Variants in APBA1 observed in about 807,000 individuals in gnomAD.
APBA1 encodes amyloid beta precursor protein binding family A member 1.
In APBA1, 55 loss-of-function variants were observed where a neutral mutation model predicts 86.6. That is an observed-to-expected ratio of 0.64 (90% CI 0.51 to 0.80). The LOEUF is 0.80. APBA1 is among the 30% of genes least tolerant of loss of function. The pLI, the probability that APBA1 is intolerant of heterozygous loss-of-function variation, is 0.00. For missense variants in APBA1, 1,090 were observed against 1,183.0 expected, an observed-to-expected ratio of 0.92 and a Z score of 1.15; for synonymous variants, 511 against 493.9, an observed-to-expected ratio of 1.03 and a Z score of -0.46.
At chr9:69,490,209 T>C (rs1288307401) in intron 2 of APBA1, among the ~76,000 whole-genome samples, 4 of 151,624 alleles carry the variant, frequency 2.6e-5, no homozygotes, top group Non-Finnish European at 5.9e-5. Context: ...TCATTCTCAG[T>C]AAACTATCGC....
chr9:69,567,212 C>T (rs576274764), intron 1 of APBA1, among the ~76,000 whole-genome samples: 3 of 151,994 alleles, frequency 2.0e-5, no homozygotes, highest in Non-Finnish European at 2.9e-5. Flanking sequence ...AATGCTAGAG[C>T]GAGCTCCTGA....
At chr9:69,441,728 A>C (rs1053659097) in intron 10 of APBA1, among the ~76,000 whole-genome samples, 1 of 152,068 alleles carries the variant, frequency 6.6e-6, no homozygotes, top group African/African-American at 2.4e-5. Context: ...GAGAATGGGG[A>C]GGGTTGTAGG....
intron 1 of APBA1, among the ~76,000 whole-genome samples, chr9:69,653,688 AC>A (rs1309072898): frequency 6.6e-6 from 1 of 152,258 alleles, no homozygotes; most frequent in Non-Finnish European, 1.5e-5. Context: ...AAATTAAACA[AC>A]ATGCTACTGA....
intron 1 of APBA1, among the ~76,000 whole-genome samples, chr9:69,636,671 G>T (rs1201644031): frequency 6.6e-6 from 1 of 151,468 alleles, no homozygotes; most frequent in Non-Finnish European, 1.5e-5. Context: ...GCATGTGTCT[G>T]TAGTCCCAAC....
At chr9:69,442,333 A>G (rs932791440) in intron 10 of APBA1, among the ~76,000 whole-genome samples, 1 of 152,118 alleles carries the variant, frequency 6.6e-6, no homozygotes, top group Non-Finnish European at 1.5e-5. Flanking sequence ...TGGCCCTGCT[A>G]TAAGAGCTGA....
chr9:69,517,308 C>A, intron 1 of APBA1, 29 bp from the exon 2 acceptor site: 1 of 1,397,318 alleles, frequency 7.2e-7, no homozygotes, highest in South Asian at 1.6e-5. Flanking sequence ...GAGAGGCTGT[C>A]ACGTGGTGCA....
In APBA1 at chr9:69,516,589, C is replaced by G; in HGVS notation, c.622G>C (p.Asp208His). 1.2e-6 allele frequency: 2 copies of G among 1,603,388 alleles called. No homozygotes were observed. The highest frequency in any genetic ancestry group is 1.7e-6 in the Non-Finnish European group (2 of 1,179,066). ...YEEIGDAPEL[D>H]ARDGLRLYEQ... is the part of the protein sequence containing the mutation. ...TAGAGCCGCAGGCCGTCGCGTGCGT[C>G]CAGCTCGGGCGCGTCCCCTATCTCC... The change falls in exon 2 of 13, where the codon GAC (aspartate) becomes CAC (histidine). Residue 208 changes from aspartate to histidine, a missense_variant. Asp to His is a moderately conservative substitution (Grantham distance 81). Coordinates refer to ENST00000265381, the MANE Select transcript of APBA1 (RefSeq NM_001163.4). This position sits in a 1 kb window ranked among gnomAD's most constrained non-coding sequence, Gnocchi z 7.3.
intron 1 of APBA1, among the ~76,000 whole-genome samples, chr9:69,666,635 C>T (rs1158121714): frequency 2.0e-5 from 3 of 151,996 alleles, no homozygotes; most frequent in African/African-American, 2.4e-5. Flanking sequence ...TCATTAAAAC[C>T]TCAAAATCAC....
At chr9:69,621,366 C>T (rs557641613) in intron 1 of APBA1, among the ~76,000 whole-genome samples, 1 of 152,304 alleles carries the variant, frequency 6.6e-6, no homozygotes, top group South Asian at 2.1e-4. Flanking sequence ...CCTGCCAAAC[C>T]TGTGGCCTCT....
chr9:69,662,191 A>C (rs1588418271), intron 1 of APBA1, among the ~76,000 whole-genome samples: 3 of 152,144 alleles, frequency 2.0e-5, no homozygotes, highest in African/African-American at 7.2e-5. Flanking sequence ...TCCTGTGCCT[A>C]GACCTGAGGC....
intron 1 of APBA1, among the ~76,000 whole-genome samples, chr9:69,639,513 A>C (rs1332265966): frequency 6.6e-6 from 1 of 152,192 alleles, no homozygotes; most frequent in Non-Finnish European, 1.5e-5. Context: ...AAAGAGCACA[A>C]GGAGTATGTC....
chr9:69,510,675 T>C lies in APBA1; in HGVS notation c.1200+5336A>G, dbSNP rs997621952. On this transcript the variant is annotated intron_variant, in intron 2 of 12. Coordinates refer to ENST00000265381, the MANE Select transcript of APBA1 (RefSeq NM_001163.4). ...CACGCTACCTGACTTCAAACTATAC[T>C]ACAAGGCTACAGTCACCACAACAGC... 9.8e-5 allele frequency among the ~76,000 whole-genome samples: 14 copies of C among 143,218 alleles called. 1 individual carries two copies. Among genetic ancestry groups the C allele is most frequent in the Middle Eastern group, 3.2e-3 (1 of 312 alleles). The allele number at this position is 143,218 out of a possible 152,430, so 94.0% of individuals were successfully genotyped here.
intron 2 of APBA1, among the ~76,000 whole-genome samples, chr9:69,503,753 T>C (rs1360622318): frequency 6.6e-6 from 1 of 152,070 alleles, no homozygotes; most frequent in African/African-American, 2.4e-5. Flanking sequence ...AGTTCCACTC[T>C]TTCTAGAGAC....
intron 1 of APBA1, among the ~76,000 whole-genome samples, chr9:69,543,656 T>C (rs1836654311): frequency 6.6e-6 from 1 of 152,174 alleles, no homozygotes; most frequent in African/African-American, 2.4e-5. Context: ...GTTGTTATAT[T>C]ACCCACCTTC....
chr9:69,506,127 G>A (rs920617967), intron 2 of APBA1, among the ~76,000 whole-genome samples: 4 of 151,924 alleles, frequency 2.6e-5, no homozygotes, highest in Non-Finnish European at 4.4e-5. Flanking sequence ...AGAAGAAGAC[G>A]GGTGATTTCT....
At chr9:69,667,076 T>TA (rs1224386267) in intron 1 of APBA1, among the ~76,000 whole-genome samples, 1 of 152,148 alleles carries the variant, frequency 6.6e-6, no homozygotes, top group Non-Finnish European at 1.5e-5. Flanking sequence ...GCTCATCCTT[T>TA]AAAAAAACAC....
At chr9:69,536,062 T>G (rs1272893603) in intron 1 of APBA1, among the ~76,000 whole-genome samples, 1 of 150,850 alleles carries the variant, frequency 6.6e-6, no homozygotes, top group Non-Finnish European at 1.5e-5. Context: ...TTTTTTTTGA[T>G]GTTGTACAAG....
At chr9:69,517,388 G>A in intron 1 of APBA1, 109 bp from the exon 2 acceptor site, 2 of 1,139,786 alleles carry the variant, frequency 1.8e-6, no homozygotes, top group Non-Finnish European at 1.1e-6. Context: ...TTAGTTCTGG[G>A]TCAATTAAAA....
In APBA1 at chr9:69,549,668, C is replaced by T. The variant is rs1033629005; in HGVS notation, c.-69-32389G>A. Among the ~76,000 whole-genome samples, 5 of 151,980 alleles carry T rather than the reference C, an allele frequency of 3.3e-5. No individual in the cohort carries two copies. In the South Asian group the frequency reaches 1.0e-3, roughly 31 times the overall value. On this transcript the variant is annotated intron_variant, in intron 1 of 12. Transcript: ENST00000265381. The stretch of plus-strand genomic sequence containing the variant: ...AAGAACCTTTTACATCCGAAAAATT[C>T]GATTCATATCAATTCAATCAATAGT...
Sources: allele counts gnomAD v4.1 joint callset (sites outside exome capture counted in the v4.1 genomes callset), GRCh38; gene constraint gnomAD v4.1.1; non-coding constraint Gnocchi (gnomAD v3.1); transcripts MANE v1.5; gene names NCBI Gene and HGNC (gene_info 2026-07-23, HGNC 2026-07-21).